UNC13C: variants seen among roughly 807,000 people sequenced by gnomAD.
The protein encoded by UNC13C is protein unc-13 homolog C.
Under a neutral mutation model 245.4 loss-of-function variants are expected in UNC13C, and 174 were observed. The observed-to-expected ratio is 0.71, with a 90% CI of 0.63 to 0.80. UNC13C has a LOEUF of 0.80. Among genes scored for constraint, UNC13C ranks in the 30% least tolerant of loss-of-function variants. The pLI is 0.00. For synonymous variants in UNC13C, 992 were observed against 895.1 expected, an observed-to-expected ratio of 1.11 and a Z score of -1.93; for missense variants, 2,829 against 2,602.9, an observed-to-expected ratio of 1.09 and a Z score of -1.89.
At chr15:54,413,159 A>T (rs185526222) in intron 18 of UNC13C, among the ~76,000 whole-genome samples, 1 of 152,136 alleles carries the variant, frequency 6.6e-6, no homozygotes, top group Admixed American at 6.5e-5. Flanking sequence ...ATATATTGTG[A>T]GATTAAATTT....
intron 1 of UNC13C, among the ~76,000 whole-genome samples, chr15:53,986,512 T>C (rs1379673713): frequency 6.6e-6 from 1 of 152,100 alleles, no homozygotes; most frequent in Non-Finnish European, 1.5e-5. Context: ...TCTATAAGAA[T>C]GAATAAGACA....
chr15:54,535,652 TCAAA>T (rs1324961587), intron 26 of UNC13C, among the ~76,000 whole-genome samples: 4 of 152,040 alleles, frequency 2.6e-5, no homozygotes, highest in Non-Finnish European at 5.9e-5. Flanking sequence ...AACCATACTC[TCAAA>T]CAACAGTACA....
At position 54,198,710 on chromosome 15, in the gene UNC13C, C is replaced by T. The variant is rs115093057; in HGVS notation, c.3072-36320C>T. 5.0e-3 allele frequency among the ~76,000 whole-genome samples: 768 copies of T among 152,238 alleles called. 10 individuals carry two copies. The highest frequency in any genetic ancestry group is 0.018 in the African/African-American group (739 of 41,568). ...TCCGTGGGACAAAAGATCTGAACAG[C>T]AGCCTTTGAATCCCAGATCTTCCCT... On this transcript the variant is annotated intron_variant, in intron 4 of 32. Transcript: ENST00000260323.
chr15:54,573,537 C>G (rs1897843468), intron 30 of UNC13C, among the ~76,000 whole-genome samples: 1 of 152,210 alleles, frequency 6.6e-6, no homozygotes, highest in African/African-American at 2.4e-5. Context: ...AAAACACCAT[C>G]TTATTCTGCA....
At chr15:54,226,291 T>G (rs1240413405) in intron 4 of UNC13C, among the ~76,000 whole-genome samples, 2 of 152,202 alleles carry the variant, frequency 1.3e-5, no homozygotes, top group African/African-American at 4.8e-5. Flanking sequence ...TTCTAGGTTC[T>G]GGTATCAGGA....
chr15:54,455,164 C>CCTCT lies in UNC13C; in HGVS notation c.4934-39405_4934-39402dup, dbSNP rs1203605020. ...TTCCTTTCTATGGCTGAGTCATATTCCTCTCTCTCTCTCTCTCTCTCTCTC... is the reference window on the plus strand; with the variant it reads ...TTCCTTTCTATGGCTGAGTCATATTCCTCTCTCTCTCTCTCTCTCTCTCTCTCTC... On this transcript the variant is annotated intron_variant, in intron 19 of 32. Transcript: ENST00000260323. 6.6e-3 allele frequency among the ~76,000 whole-genome samples: 115 copies of CCTCT among 17,494 alleles called. 8 individuals are homozygous for CCTCT. Among genetic ancestry groups the CCTCT allele is most frequent in the Middle Eastern group, 0.05 (1 of 20 alleles). 11.5% of individuals were successfully genotyped at this position (17,494 alleles called of 152,430 possible). A position where few individuals can be genotyped will look rare whatever the true frequency, so the allele number is the denominator to read the frequency against.
the UNC13C span, among the ~76,000 whole-genome samples, chr15:53,915,325 G>C: frequency 2.0e-5 from 3 of 152,332 alleles, no homozygotes; most frequent in African/African-American, 7.2e-5. Flanking sequence ...AGATTAAAAA[G>C]AGAATCTTTT....
intron 17 of UNC13C, among the ~76,000 whole-genome samples, chr15:54,355,153 A>C (rs907709518): frequency 6.8e-6 from 1 of 146,118 alleles, no homozygotes; most frequent in Non-Finnish European, 1.5e-5. Context: ...CAGCCTCTGC[A>C]ATTATAAGAA....
At chr15:53,963,478 G>A in the UNC13C span, among the ~76,000 whole-genome samples, 1 of 152,168 alleles carries the variant, frequency 6.6e-6, no homozygotes, top group Admixed American at 6.5e-5. Flanking sequence ...AAATAGAGAT[G>A]AAAAGGGTAC....
Position 54,014,482 on chromosome 15 carries a change from C to A in UNC13C, c.1579C>A (p.His527Asn). 6.2e-7 allele frequency: 1 copy of A among 1,613,796 alleles called. No individual in the cohort carries two copies. Among genetic ancestry groups the A allele is most frequent in the Non-Finnish European group, 8.5e-7 (1 of 1,179,812 alleles). Residue 527 changes from histidine (H) to asparagine (N), a missense_variant, in exon 2 of 33, where the codon CAT becomes AAT. Transcript: ENST00000260323. ...TATCTTGGAAAAGCAAACCACAACCCATTATGCAGATGCAACACCTCTCTG... is the reference window on the plus strand; with the variant it reads ...TATCTTGGAAAAGCAAACCACAACCAATTATGCAGATGCAACACCTCTCTG... Reference protein sequence around the residue: ...SDILEKQTTTHYADATPLWHS... With the variant: ...SDILEKQTTTNYADATPLWHS...
chr15:54,374,742 G>A (rs904251750), intron 17 of UNC13C, among the ~76,000 whole-genome samples: 1 of 152,212 alleles, frequency 6.6e-6, no homozygotes, highest in African/African-American at 2.4e-5. Flanking sequence ...GCTTCTGCCT[G>A]TTCCTGGCTC....
At chr15:54,038,615 A>T (rs1360501247) in intron 2 of UNC13C, among the ~76,000 whole-genome samples, 1 of 152,208 alleles carries the variant, frequency 6.6e-6, no homozygotes, top group African/African-American at 2.4e-5. Flanking sequence ...ACTTTGATAA[A>T]CAGAATCTTT....
intron 7 of UNC13C, among the ~76,000 whole-genome samples, chr15:54,244,018 T>C (rs1005632240): frequency 4.6e-5 from 7 of 152,222 alleles, no homozygotes; most frequent in African/African-American, 1.4e-4. Flanking sequence ...TTTGTTGCAA[T>C]TGCTTTTGGC....
At chr15:54,323,023 A>G (rs1440511917) in intron 14 of UNC13C, among the ~76,000 whole-genome samples, 1 of 144,412 alleles carries the variant, frequency 6.9e-6, no homozygotes, top group Non-Finnish European at 1.5e-5. Context: ...TTTTTTTTTC[A>G]TGGAGGAAAC....
upstream of UNC13C, among the ~76,000 whole-genome samples, chr15:53,974,211 C>G (rs1893628783): frequency 6.6e-6 from 1 of 152,156 alleles, no homozygotes; most frequent in African/African-American, 2.4e-5. Flanking sequence ...TACTGACTCA[C>G]TATTGTTGGA....
intron 19 of UNC13C, among the ~76,000 whole-genome samples, chr15:54,430,013 G>A (rs2040840625): frequency 6.6e-6 from 1 of 151,562 alleles, no homozygotes; most frequent in Admixed American, 6.6e-5. Flanking sequence ...CAATTTGAGG[G>A]TGGGAACATG....
chr15:54,443,906 G>A (rs150682398), intron 19 of UNC13C, among the ~76,000 whole-genome samples: 7 of 152,006 alleles, frequency 4.6e-5, no homozygotes, highest in Admixed American at 2.0e-4. Flanking sequence ...TTCTGTAAAG[G>A]TATATTAAGT....
At chr15:54,600,552 T>G (rs1777246901) in intron 30 of UNC13C, among the ~76,000 whole-genome samples, 1 of 152,114 alleles carries the variant, frequency 6.6e-6, no homozygotes, top group Admixed American at 6.6e-5. Flanking sequence ...ACTGACCTAT[T>G]GCTAAATGCA....
intron 19 of UNC13C, among the ~76,000 whole-genome samples, chr15:54,424,082 A>G (rs922929213): frequency 1.3e-5 from 2 of 151,934 alleles, no homozygotes; most frequent in African/African-American, 4.8e-5. Flanking sequence ...ATTCAGGAAC[A>G]AATGAATATT....
Sources: allele counts gnomAD v4.1 joint callset (sites outside exome capture counted in the v4.1 genomes callset), GRCh38; gene constraint gnomAD v4.1.1; transcripts MANE v1.5; gene names NCBI Gene and HGNC (gene_info 2026-07-23, HGNC 2026-07-21).